Variants in OCLN observed in about 807,000 individuals in gnomAD.
OCLN encodes phosphatase 1, regulatory subunit 115.
OCLN carries 21 observed loss-of-function variants against 47.9 expected under a neutral mutation model. The ratio of observed to expected loss-of-function variants is 0.44; its 90% CI spans 0.31 to 0.63. OCLN has a LOEUF of 0.63. Ranked by LOEUF, OCLN falls within the 30% of genes least tolerant of loss-of-function variation. The probability of loss-of-function intolerance (pLI) is 0.08; values close to 1 mark genes in which losing one functional copy is unlikely to be tolerated. For synonymous variants in OCLN, 117 were observed against 198.4 expected (o/e 0.59, Z 3.45); for missense variants, 360 against 571.0 (o/e 0.63, Z 3.77).
intron 1 of OCLN, among the ~76,000 whole-genome samples, chr5:69,501,387 T>C (rs1190508560): frequency 6.6e-6 from 1 of 152,174 alleles, no homozygotes; most frequent in Non-Finnish European, 1.5e-5. Context: ...CCCAGTACTT[T>C]GGGAGGCCAA....
intron 2 of OCLN, among the ~76,000 whole-genome samples, chr5:69,504,959 A>G (rs1768557899): frequency 6.6e-6 from 1 of 151,174 alleles, no homozygotes; most frequent in Non-Finnish European, 1.5e-5. Flanking sequence ...GTCTGAAAAA[A>G]AGAAAAAAGG....
In OCLN at chr5:69,509,590, G is replaced by C; in HGVS notation, c.500G>C (p.Arg167Thr). Residue 167 changes from arginine (R) to threonine (T), a missense_variant, in exon 3 of 9, where the codon AGA becomes ACA. By Grantham distance (71) the Arg-to-Thr change is moderately conservative. This residue lies in a region of OCLN where 314 missense variants were observed against 368.1 expected (regional missense o/e 0.85). Transcript: ENST00000396442. ...AGTGTTATAAGATCTGAAATGTCCA[G>C]AACAAGAAGATACTACTTAAGTGTG... ...VTSVIRSEMSRTRRYYLSVII... is the reference protein window; with the variant it reads ...VTSVIRSEMSTTRRYYLSVII... 6.2e-7 allele frequency: 1 copy of C among 1,614,194 alleles called. No homozygotes were observed. The highest frequency in any genetic ancestry group is 8.5e-7 in the Non-Finnish European group (1 of 1,180,030).
At chr5:69,528,273 C>A (rs890474547) in intron 4 of OCLN, among the ~76,000 whole-genome samples, 3 of 152,066 alleles carry the variant, frequency 2.0e-5, no homozygotes, top group Non-Finnish European at 4.4e-5. Context: ...AGGTTGTAAA[C>A]CTGGAGATGA....
Position 69,509,152 on chromosome 5 carries a change from AT to A in OCLN, c.64del (p.Tyr22MetfsTer43). The A allele has an allele frequency of 6.2e-7, 1 of 1,613,962 alleles. No homozygotes were observed. Among genetic ancestry groups the A allele is most frequent in the African/African-American group, 1.3e-5 (1 of 75,056 alleles). On this transcript the variant is annotated frameshift_variant, in exon 3 of 9. Coordinates refer to ENST00000396442, the MANE Select transcript of OCLN (RefSeq NM_001205254.2). LOFTEE classifies it high-confidence loss of function. ...PYRPDEFKPN[H>X]YAPSNDIYGG... The stretch of plus-strand genomic sequence containing the variant: ...CATGTTCATTTCAGCAAACCGAATC[AT>A]TATGCACCAAGCAATGACATATATG...
chr5:69,522,846 C>T (rs957800856), intron 4 of OCLN, among the ~76,000 whole-genome samples: 4 of 148,268 alleles, frequency 2.7e-5, no homozygotes, highest in Non-Finnish European at 5.9e-5. Flanking sequence ...CCCACCTCAG[C>T]CTCCCAAGTA....
rs1229248268 is a variant in OCLN at position 69,509,294 on chromosome 5, G to C, written c.204G>C (p.Leu68=). 1.2e-6 allele frequency: 2 copies of C among 1,614,198 alleles called. No individual in the cohort carries two copies. Among genetic ancestry groups the C allele is most frequent in the Admixed American group, 3.3e-5 (2 of 60,010 alleles). Residue 68 remains leucine, a synonymous_variant, in exon 3 of 9, where the codon CTG becomes CTC. Transcript: ENST00000396442. ...WTSPPGVIRI[L]SMLIIVMCIA... ...CTCCTCCAGGAGTGATTCGGATCCT[G>C]TCTATGCTCATTATTGTGATGTGCA...
rs1046590505 is a variant in OCLN, at chr5:69,497,929, G to A, written c.-69+5029G>A. On this transcript the variant is annotated intron_variant, in intron 1 of 8. Transcript: ENST00000396442. ...GGGCGGATCACGAGGTCAGGAGATC[G>A]AGACCATCCCGGCTAAAACGGTGAA... 9.9e-5 allele frequency among the ~76,000 whole-genome samples: 15 copies of A among 151,792 alleles called. No homozygotes were observed. The East Asian group carries it at 1.4e-3, about 14-fold the overall frequency.
chr5:69,517,948 C>T (rs917631009), intron 4 of OCLN, among the ~76,000 whole-genome samples: 1 of 152,062 alleles, frequency 6.6e-6, no homozygotes, highest in Non-Finnish European at 1.5e-5. Context: ...TGTTAGTTTT[C>T]GTTGGCAGTT....
intron 3 of OCLN, among the ~76,000 whole-genome samples, chr5:69,511,643 TG>T (rs1768791156): frequency 6.6e-6 from 1 of 152,172 alleles, no homozygotes; most frequent in Non-Finnish European, 1.5e-5. Context: ...CTGGAACTCC[TG>T]GGCTCAAGTG....
At position 69,554,877 on chromosome 5, in the gene OCLN, A is replaced by G. The variant is rs1769932078; in HGVS notation, c.*1206A>G. The G allele has an allele frequency of 6.6e-6, 1 of 151,404 alleles. No individual in the cohort carries two copies. Among genetic ancestry groups the G allele is most frequent in the African/African-American group, 2.4e-5 (1 of 41,278 alleles). The allele number at this position is 151,404 out of a possible 1,614,324, so 9.4% of individuals were successfully genotyped here. On this transcript the variant is annotated 3_prime_UTR_variant, in exon 9 of 9. Transcript: ENST00000396442. ...CATCCCAGCTTAGACTTTTCTAAAA[A>G]CTTTTTTTTAGAATAATCTATAAAC...
intron 4 of OCLN, among the ~76,000 whole-genome samples, chr5:69,524,502 T>C (rs1277931645): frequency 5.3e-5 from 8 of 152,236 alleles, no homozygotes; most frequent in African/African-American, 1.9e-4. Context: ...ATGTAGTGTC[T>C]TGGCATTTGC....
chr5:69,550,185 C>T (rs1448170624), intron 7 of OCLN, among the ~76,000 whole-genome samples: 75 of 90,936 alleles, frequency 8.2e-4, no homozygotes, highest in African/African-American at 2.8e-3. Flanking sequence ...GTCTACTTAT[C>T]TAATTTTTTT....
chr5:69,518,654 C>G (rs1769043440), intron 4 of OCLN, among the ~76,000 whole-genome samples: 1 of 152,190 alleles, frequency 6.6e-6, no homozygotes, highest in African/African-American at 2.4e-5. Context: ...TGTCATCCTG[C>G]ATCTAAACTG....
chr5:69,512,179 A>G (rs1047601984), intron 3 of OCLN, among the ~76,000 whole-genome samples: 3 of 152,062 alleles, frequency 2.0e-5, no homozygotes, highest in African/African-American at 4.8e-5. Flanking sequence ...TAATTTTTCT[A>G]TAGTTTCATA....
rs575031684 is a variant in OCLN at position 69,515,800 on chromosome 5, G to A, written c.891+1691G>A. ...TCAGACGGGGCGGCTGGGCAGAGAC[G>A]CTCCTCACCTCCCAGACGGGGTCGC... On this transcript the variant is annotated intron_variant, in intron 4 of 8. Coordinates refer to ENST00000396442, the MANE Select transcript of OCLN (RefSeq NM_001205254.2). 5.5e-3 allele frequency among the ~76,000 whole-genome samples: 827 copies of A among 150,724 alleles called. 4 individuals are homozygous for A. The highest frequency in any genetic ancestry group is 0.019 in the African/African-American group (768 of 41,008).
intron 1 of OCLN, among the ~76,000 whole-genome samples, chr5:69,497,907 C>T (rs55701347): frequency 3.3e-5 from 5 of 151,788 alleles, no homozygotes; most frequent in Admixed American, 6.6e-5. Flanking sequence ...CCGAGGCGGG[C>T]GGATCACGAG....
intron 1 of OCLN, among the ~76,000 whole-genome samples, chr5:69,499,918 C>T (rs1768408835): frequency 6.6e-6 from 1 of 152,142 alleles, no homozygotes; most frequent in Non-Finnish European, 1.5e-5. Context: ...GTGCAGAGGT[C>T]AGGATTATTC....
At chr5:69,512,696 T>G (rs1768820689) in intron 3 of OCLN, among the ~76,000 whole-genome samples, 1 of 152,228 alleles carries the variant, frequency 6.6e-6, no homozygotes, top group Non-Finnish European at 1.5e-5. Context: ...TTCTTTTGAT[T>G]TATGTAGGTC....
In OCLN at chr5:69,513,972, A is replaced by G. The variant is rs142683205; in HGVS notation, c.754A>G (p.Met252Val). 2.0e-4 allele frequency: 328 copies of G among 1,614,018 alleles called. 4 individuals carry two copies. The South Asian group carries it at 2.6e-3, about 13-fold the overall frequency. ...GGCCATTGCCATTGTACTGGGGTTC[A>G]TGATTATTGTGGCTTTTGCTTTAAT... Reference protein sequence around the residue: ...QEAIAIVLGFMIIVAFALIIF... With the variant: ...QEAIAIVLGFVIIVAFALIIF... Residue 252 changes from methionine to valine, a missense_variant, in exon 4 of 9, where the codon ATG becomes GTG. Coordinates refer to ENST00000396442, the MANE Select transcript of OCLN (RefSeq NM_001205254.2).
Sources: gnomAD v4.1 joint callset for allele counts (sites outside exome capture counted in the v4.1 genomes callset) on GRCh38, gnomAD v4.1.1 for gene constraint, gnomAD v4.1.1 regional missense constraint, MANE v1.5 for transcripts, NCBI Gene and HGNC (gene_info 2026-07-23, HGNC 2026-07-21) for gene names.